ACSBG1: variants seen among roughly 807,000 people sequenced by gnomAD.
ACSBG1 encodes long-chain-fatty-acid--CoA ligase ACSBG1.
Under a neutral mutation model 80.2 loss-of-function variants are expected in ACSBG1, and 39 were observed. The ratio of observed to expected loss-of-function variants is 0.49; its 90% confidence interval spans 0.38 to 0.64. ACSBG1 has a LOEUF of 0.64. Among genes scored for constraint, ACSBG1 ranks in the 30% least tolerant of loss-of-function variants. The pLI is 0.00. For missense variants in ACSBG1, 828 were observed against 966.4 expected (o/e 0.86, Z 1.90); for synonymous variants, 392 against 379.5 (o/e 1.03, Z -0.38).
At position 78,171,522 on chromosome 15, in the gene ACSBG1, CG is replaced by C; in HGVS notation, c.2096del (p.Thr699ArgfsTer2). ...AAACTGTGAGCCGTTTCAGTTTCAT[CG>C]TGGGACCTAAAAGGGAAATGAGAAG... Reference protein sequence around the residue: ...FSISGGELGPTMKLKRLTVLE... With the variant: ...FSISGGELGPXMKLKRLTVLE... On this transcript the variant is annotated frameshift_variant, in exon 14 of 14. Transcript: ENST00000258873. LOFTEE classifies it high-confidence loss of function. 3 of 1,613,930 alleles carry C rather than the reference CG, an allele frequency of 1.9e-6. No homozygotes were observed. Among genetic ancestry groups the C allele is most frequent in the Non-Finnish European group, 2.5e-6 (3 of 1,179,862 alleles).
intron 2 of ACSBG1, among the ~76,000 whole-genome samples, chr15:78,195,597 T>C (rs1194054592): frequency 6.6e-6 from 1 of 152,106 alleles, no homozygotes; most frequent in Non-Finnish European, 1.5e-5. Context: ...GTTCTCAGGG[T>C]GGACATGAGG....
intron 1 of ACSBG1, among the ~76,000 whole-genome samples, chr15:78,210,208 G>A (rs57491843): frequency 2.0e-5 from 3 of 152,122 alleles, no homozygotes; most frequent in East Asian, 3.9e-4. Context: ...AGGGTGGACC[G>A]TGGCCCTCTG....
At chr15:78,196,096 G>A (rs1045775236) in intron 2 of ACSBG1, among the ~76,000 whole-genome samples, 1 of 152,198 alleles carries the variant, frequency 6.6e-6, no homozygotes, top group Non-Finnish European at 1.5e-5. Flanking sequence ...AGGCGGGACA[G>A]GGGAGGGTGC....
rs890819171 is a variant in ACSBG1, at chr15:78,179,624, C to T, written c.1410G>A (p.Leu470=). 1 of 1,614,076 alleles carries T rather than the reference C, an allele frequency of 6.2e-7. No homozygotes were observed. Among genetic ancestry groups the T allele is most frequent in the Admixed American group, 1.7e-5 (1 of 60,000 alleles). The change falls in exon 10 of 14, where the codon TTG becomes TTA. Residue 470 remains leucine (L), a synonymous_variant. Transcript: ENST00000258873. The stretch of plus-strand genomic sequence containing the variant: ...TCTCACTGAGGCCGTAGCCCGCATA[C>T]AAGCGGATGTTGAGACCCAGGAAGA... The part of the protein sequence containing the change: ...QHFFLGLNIR[L]YAGYGLSETS...
At chr15:78,232,242 C>T (rs1227562581) in intron 1 of ACSBG1, among the ~76,000 whole-genome samples, 1 of 152,234 alleles carries the variant, frequency 6.6e-6, no homozygotes, top group Non-Finnish European at 1.5e-5. Flanking sequence ...ACAGAGGATG[C>T]TATTGAGGCT....
intron 1 of ACSBG1, among the ~76,000 whole-genome samples, chr15:78,230,810 C>A (rs2075440083): frequency 6.6e-6 from 1 of 151,886 alleles, no homozygotes; most frequent in Admixed American, 6.6e-5. Context: ...AACTGTAAGT[C>A]CAATAAACTT....
chr15:78,207,921 CCA>C, intron 2 of ACSBG1, 79 bp downstream of exon 2: 1 of 857,434 alleles, frequency 1.2e-6, no homozygotes. Flanking sequence ...TGGTGGTCCC[CCA>C]CACCACCCAC....
intron 2 of ACSBG1, among the ~76,000 whole-genome samples, chr15:78,203,110 CTT>C (rs2075183377): frequency 1.3e-5 from 2 of 152,214 alleles, no homozygotes; most frequent in African/African-American, 4.8e-5. Context: ...TATCGAGAGA[CTT>C]AGGAAATCAG....
chr15:78,214,603 C>T (rs1267094098), intron 1 of ACSBG1, among the ~76,000 whole-genome samples: 1 of 152,116 alleles, frequency 6.6e-6, no homozygotes, highest in Admixed American at 6.5e-5. Flanking sequence ...CCGTACTTGG[C>T]TAATTTTTGT....
intron 2 of ACSBG1, among the ~76,000 whole-genome samples, chr15:78,199,110 T>C (rs79739010): frequency 0.012 from 1,859 of 152,122 alleles, 43 homozygotes; most frequent in African/African-American, 0.044. Context: ...TTTTCTTTTC[T>C]TTCTTTCTTT....
At chr15:78,219,040 G>A (rs186168994) in intron 1 of ACSBG1, among the ~76,000 whole-genome samples, 31 of 152,206 alleles carry the variant, frequency 2.0e-4, no homozygotes, top group African/African-American at 7.5e-4. Context: ...TCAAACTCCT[G>A]ACCTCAGGTG....
rs570716087 is a variant in ACSBG1 at position 78,234,412 on chromosome 15, C to T, written c.90G>A (p.Gln30=). 2.1e-4 allele frequency: 332 copies of T among 1,613,030 alleles called. 6 individuals carry two copies. In the South Asian group the frequency reaches 3.1e-3, roughly 15 times the overall value. ...CTTGGGTGGTCCTCACAATCATGTC[C>T]TGCCGGCTCTCCTGTGGGGTCTCTC... is the stretch of plus-strand genomic sequence containing the variant. ...DSRETPQESR[Q]DMIVRTTQEK... is the part of the protein sequence containing the mutation. Residue 30 remains glutamine (Q), a synonymous_variant, in exon 1 of 14, where the codon CAG becomes CAA. Coordinates refer to ENST00000258873, the MANE Select transcript of ACSBG1 (RefSeq NM_015162.5).
At chr15:78,219,298 C>G (rs550841118) in intron 1 of ACSBG1, among the ~76,000 whole-genome samples, 140 of 151,430 alleles carry the variant, frequency 9.2e-4, no homozygotes, top group Middle Eastern at 3.4e-3. Context: ...ATCCCAGCTA[C>G]TTGGGAGGCT....
chr15:78,215,888 A>G (rs572843916), intron 1 of ACSBG1, among the ~76,000 whole-genome samples: 2 of 152,254 alleles, frequency 1.3e-5, no homozygotes, highest in African/African-American at 4.8e-5. Flanking sequence ...GGAAATGTGT[A>G]ATCTACCCTT....
Position 78,169,274 on chromosome 15 carries a change from T to G in ACSBG1, c.*2170A>C. The G allele has an allele frequency of 3.6e-6, 1 of 273,986 alleles. No individual in the cohort carries two copies. Among genetic ancestry groups the G allele is most frequent in the Admixed American group, 5.2e-5 (1 of 19,198 alleles). 17.0% of individuals were successfully genotyped at this position (273,986 alleles called of 1,614,324 possible). On this transcript the variant is annotated 3_prime_UTR_variant, in exon 14 of 14. Coordinates refer to ENST00000258873, the MANE Select transcript of ACSBG1 (RefSeq NM_015162.5). ...GTAAACTCTGAGTGGACTGTATCAT[T>G]TGCTATTCTAAACCATTTTACACTT...
At chr15:78,184,355 T>C (rs982912489) in intron 5 of ACSBG1, among the ~76,000 whole-genome samples, 5 of 152,022 alleles carry the variant, frequency 3.3e-5, no homozygotes, top group African/African-American at 1.2e-4. Context: ...TTTCCTTTTT[T>C]TTTTTGTAGA....
intron 5 of ACSBG1, among the ~76,000 whole-genome samples, chr15:78,192,654 G>C (rs1189034049): frequency 1.3e-5 from 2 of 152,166 alleles, no homozygotes; most frequent in African/African-American, 2.4e-5. Context: ...TCTCTTTCAG[G>C]CTTCAGGAAA....
At chr15:78,175,663 A>C (rs960329714) in intron 11 of ACSBG1, among the ~76,000 whole-genome samples, 2 of 152,232 alleles carry the variant, frequency 1.3e-5, no homozygotes, top group Non-Finnish European at 2.9e-5. Flanking sequence ...GATTGTGTGC[A>C]GGCAGCTGGG....
intron 2 of ACSBG1, among the ~76,000 whole-genome samples, chr15:78,197,065 GA>G (rs1041978422): frequency 2.0e-5 from 3 of 150,094 alleles, no homozygotes; most frequent in Admixed American, 6.6e-5. Flanking sequence ...CCCAGCCTCA[GA>G]AAAAAAATTA....
Sources: allele counts gnomAD v4.1 joint callset (sites outside exome capture counted in the v4.1 genomes callset), GRCh38; gene constraint gnomAD v4.1.1; transcripts MANE v1.5; gene names NCBI Gene and HGNC (gene_info 2026-07-23, HGNC 2026-07-21).